ZNF565: variants seen among roughly 807,000 people sequenced by gnomAD.
ZNF565 encodes zinc finger protein 565.
Under a neutral mutation model 39.4 loss-of-function variants are expected in ZNF565, and 27 were observed. The ratio of observed to expected loss-of-function variants is 0.69; its 90% CI spans 0.51 to 0.95. The LOEUF (loss-of-function observed/expected upper bound fraction) is 0.95, where lower values mean the gene tolerates loss of function less well. Among genes scored for constraint, ZNF565 ranks in the 40% least tolerant of loss-of-function variants. The pLI is 0.00. For synonymous variants in ZNF565, 185 were observed against 216.6 expected (o/e 0.85, Z 1.28); for missense variants, 524 against 621.1 (o/e 0.84, Z 1.66).
At chr19:36,236,236 T>C in intron 1 of ZNF565, 1 of 553,358 alleles carries the variant, frequency 1.8e-6, no homozygotes, top group Non-Finnish European at 2.9e-6. Flanking sequence ...AGAAAATTTT[T>C]CTAGAGAGAA....
intron 2 of ZNF565, 77 bp downstream of exon 2, chr19:36,201,900 C>T (rs1975977984): frequency 1.9e-6 from 3 of 1,546,312 alleles, no homozygotes; most frequent in Non-Finnish European, 1.8e-6. Flanking sequence ...AGGGAAGTTC[C>T]AGGATAAAGA....
At chr19:36,237,206 G>A in intron 1 of ZNF565, 1 of 1,614,018 alleles carries the variant, frequency 6.2e-7, no homozygotes, top group Non-Finnish European at 8.5e-7. Context: ...CTCAACCCTT[G>A]CTCTGCATTT....
intron 1 of ZNF565, among the ~76,000 whole-genome samples, chr19:36,223,429 T>C (rs1203202189): frequency 6.6e-6 from 1 of 151,570 alleles, no homozygotes; most frequent in Non-Finnish European, 1.5e-5. Context: ...GTGGTGCGAT[T>C]TCGGCTCACT....
chr19:36,224,428 A>G (rs571408849), intron 1 of ZNF565, among the ~76,000 whole-genome samples: 1 of 152,304 alleles, frequency 6.6e-6, no homozygotes, highest in African/African-American at 2.4e-5. Flanking sequence ...TTAGGATGCC[A>G]CTTTGATTAT....
chr19:36,198,001 T>C (rs920169660), intron 2 of ZNF565, among the ~76,000 whole-genome samples: 2 of 151,832 alleles, frequency 1.3e-5, no homozygotes, highest in Non-Finnish European at 2.9e-5. Flanking sequence ...TACAAAAAAT[T>C]AGCTGGGCAT....
chr19:36,187,177 C>T (rs765755889), intron 4 of ZNF565, among the ~76,000 whole-genome samples: 7 of 149,450 alleles, frequency 4.7e-5, no homozygotes, highest in Non-Finnish European at 7.4e-5. Context: ...GAAACAGGAG[C>T]GAAACTCCAT....
chr19:36,196,562 A>C (rs1014742943), intron 2 of ZNF565, among the ~76,000 whole-genome samples: 4 of 152,222 alleles, frequency 2.6e-5, no homozygotes, highest in Non-Finnish European at 5.9e-5. Flanking sequence ...GGACACTTCT[A>C]TCTTCCATGG....
chr19:36,229,253 C>T (rs940015226), intron 1 of ZNF565, among the ~76,000 whole-genome samples: 3 of 152,220 alleles, frequency 2.0e-5, no homozygotes, highest in Non-Finnish European at 4.4e-5. Context: ...TCTCACACTT[C>T]CCGTTGTCTT....
intron 1 of ZNF565, among the ~76,000 whole-genome samples, chr19:36,227,884 G>A (rs1383169706): frequency 3.3e-5 from 5 of 152,168 alleles, no homozygotes; most frequent in Admixed American, 2.0e-4. Context: ...AATAGGACAC[G>A]GCACGGTGGC....
At chr19:36,237,175 TG>T in intron 1 of ZNF565, 1 of 1,614,156 alleles carries the variant, frequency 6.2e-7, no homozygotes, top group Non-Finnish European at 8.5e-7. Context: ...GTAATGAATG[TG>T]GGAAAGCTTT....
At chr19:36,232,892 A>G (rs1977449314) in intron 1 of ZNF565, among the ~76,000 whole-genome samples, 1 of 151,852 alleles carries the variant, frequency 6.6e-6, no homozygotes, top group African/African-American at 2.4e-5. Context: ...CCATTCAATT[A>G]TTTTTTCATA....
intron 2 of ZNF565, among the ~76,000 whole-genome samples, chr19:36,199,946 C>A (rs1203347429): frequency 6.6e-6 from 1 of 151,306 alleles, no homozygotes; most frequent in African/African-American, 2.4e-5. Flanking sequence ...CAGGGTGAGC[C>A]ACTGGGCCTG....
intron 2 of ZNF565, among the ~76,000 whole-genome samples, chr19:36,197,780 G>C (rs1469624673): frequency 6.6e-6 from 1 of 152,092 alleles, no homozygotes; most frequent in African/African-American, 2.4e-5. Flanking sequence ...ACAACTTGGA[G>C]GTTCCTCAAA....
In ZNF565 at chr19:36,196,895, T is replaced by C. The variant is rs1274352866; in HGVS notation, c.10-1739A>G. Among the ~76,000 whole-genome samples, 3 of 152,112 alleles carry C rather than the reference T, an allele frequency of 2.0e-5. No homozygotes were observed. In the East Asian group the frequency reaches 5.8e-4, roughly 29 times the overall value. ...CAACATGGCGAAATCCTGTCTCTAC[T>C]AAATACAAAAAATTAGCTGCGCGTG... On this transcript the variant is annotated intron_variant, in intron 2 of 4. Coordinates refer to ENST00000304116, the MANE Select transcript of ZNF565 (RefSeq NM_152477.5).
Position 36,192,934 on chromosome 19 carries a change from A to C in ZNF565, c.232+1299T>G, listed in dbSNP as rs1435656506. 2.6e-5 allele frequency among the ~76,000 whole-genome samples: 4 copies of C among 151,878 alleles called. No individual in the cohort carries two copies. In the East Asian group the frequency reaches 7.7e-4, roughly 29 times the overall value. On this transcript the variant is annotated intron_variant, in intron 4 of 4. Coordinates refer to ENST00000304116, the MANE Select transcript of ZNF565 (RefSeq NM_152477.5). ...TGGGTTCAAGAGATTCTCCTGCCTC[A>C]GCCTCCCGAGTGGCTGGAATTACAG...
At chr19:36,242,782 A>G (rs1977821829) in intron 1 of ZNF565, among the ~76,000 whole-genome samples, 1 of 152,170 alleles carries the variant, frequency 6.6e-6, no homozygotes, top group African/African-American at 2.4e-5. Flanking sequence ...ATTTTTTCCA[A>G]AAAAGATATA....
At position 36,194,236 on chromosome 19, in the gene ZNF565, G is replaced by T. The variant is rs1454246410; in HGVS notation, c.229C>A (p.Pro77Thr). Residue 77 changes from proline (P) to threonine (T), a missense_variant, in exon 4 of 5, where the codon CCA becomes ACA. Physicochemically the swap from Pro to Thr is conservative, Grantham distance 38. Coordinates refer to ENST00000304116, the MANE Select transcript of ZNF565 (RefSeq NM_152477.5). ...IANDVTGPWC[P>T]DLESRCEKFL... ...GTCGAAATCGGCCCTCGCTTACCTG[G>T]GCACCATGGTCCTGTCACATCATTT... The T allele has an allele frequency of 6.2e-7, 1 of 1,610,668 alleles. No individual in the cohort carries two copies. Among genetic ancestry groups the T allele is most frequent in the East Asian group, 2.2e-5 (1 of 44,834 alleles).
chr19:36,192,074 C>T (rs544003621), intron 4 of ZNF565, among the ~76,000 whole-genome samples: 9 of 150,852 alleles, frequency 6.0e-5, no homozygotes, highest in Non-Finnish European at 1.0e-4. Flanking sequence ...CTGCAACCTC[C>T]GCCTCCCGGG....
At chr19:36,226,526 A>G (rs942115705) in intron 1 of ZNF565, among the ~76,000 whole-genome samples, 1 of 152,094 alleles carries the variant, frequency 6.6e-6, no homozygotes, top group Non-Finnish European at 1.5e-5. Flanking sequence ...AATCATTTAC[A>G]TTTTGGTTGT....
Sources: allele counts gnomAD v4.1 joint callset (sites outside exome capture counted in the v4.1 genomes callset), GRCh38; gene constraint gnomAD v4.1.1; transcripts MANE v1.5; gene names NCBI Gene and HGNC (gene_info 2026-07-23, HGNC 2026-07-21).